The following ADGRE5 variants were observed in gnomAD, a reference collection of about 807,000 sequenced individuals.
The protein encoded by ADGRE5 is CD97 molecule.
A neutral mutation model predicts 100.3 loss-of-function variants in ADGRE5; 72 were observed. The ratio of observed to expected loss-of-function variants is 0.72; its 90% CI spans 0.59 to 0.87. The LOEUF (loss-of-function observed/expected upper bound fraction) is 0.87, where lower values mean the gene tolerates loss of function less well. Ranked by LOEUF, ADGRE5 falls within the 40% of genes least tolerant of loss-of-function variation. The probability of loss-of-function intolerance (pLI) is 0.00; values close to 1 mark genes in which losing one functional copy is unlikely to be tolerated. For synonymous variants in ADGRE5, 439 were observed against 447.8 expected, an observed-to-expected ratio of 0.98 and a Z score of 0.25; for missense variants, 959 against 1,094.7, an observed-to-expected ratio of 0.88 and a Z score of 1.75.
Position 14,397,174 on chromosome 19 carries a change from G to A in ADGRE5, c.576G>A (p.Trp192Ter). 1 of 1,614,104 alleles carries A rather than the reference G, an allele frequency of 6.2e-7. No individual in the cohort carries two copies. ...GSYQCRCRPGWQPIPGSPNGP... is the reference protein window; with the variant it reads ...GSYQCRCRPG ...ATCAGTGCCGCTGCCGCCCGGGCTG[G>A]CAACCGATTCCGGGGTCCCCCAATG... Residue 192 changes from tryptophan to a stop codon, truncating the protein, a stop_gained, in exon 6 of 20, where the codon TGG becomes TGA. Coordinates refer to ENST00000242786, the MANE Select transcript of ADGRE5 (RefSeq NM_078481.4). LOFTEE classifies it high-confidence loss of function.
rs183831599 is a variant in ADGRE5 at position 14,402,447 on chromosome 19, A to C, written c.1184-150A>C. The C allele has an allele frequency of 4.4e-3, 3,474 of 786,930 alleles. 74 individuals carry two copies. The African/African-American group carries it at 0.053, about 12-fold the overall frequency. The allele number at this position is 786,930 out of a possible 1,614,324, so 48.7% of individuals were successfully genotyped here. A position where few individuals can be genotyped will look rare whatever the true frequency, so the allele number is the denominator to read the frequency against. ...GAAACTCCGTCTCAAAAAAAAAAAAACAAGGAACAACTAGAAACTGACTCA... is the reference window on the plus strand; with the variant it reads ...GAAACTCCGTCTCAAAAAAAAAAAACCAAGGAACAACTAGAAACTGACTCA... On this transcript the variant is annotated intron_variant, in intron 11 of 19. Transcript: ENST00000242786.
rs1310860575 is a variant in ADGRE5, at chr19:14,388,750, C to A, written c.122C>A (p.Ala41Asp). Residue 41 changes from alanine to aspartate, a missense_variant, in exon 3 of 20, where the codon GCC becomes GAC. Physicochemically the swap from Ala to Asp is moderately radical, Grantham distance 126 (BLOSUM62 -2). Coordinates refer to ENST00000242786, the MANE Select transcript of ADGRE5 (RefSeq NM_078481.4). Reference sequence around the variant, plus strand: ...AACTCCTCGTGTGTCAATGCCACCGCCTGTCGCTGCAATCCAGGGTTCAGC... The same window carrying A: ...AACTCCTCGTGTGTCAATGCCACCGACTGTCGCTGCAATCCAGGGTTCAGC... ...PQNSSCVNAT[A>D]CRCNPGFSSF... is the part of the protein sequence containing the mutation. 2 of 1,613,840 alleles carry A rather than the reference C, an allele frequency of 1.2e-6. No individual in the cohort carries two copies. The highest frequency in any genetic ancestry group is 2.7e-5 in the African/African-American group (2 of 74,924).
intron 4 of ADGRE5, 95 bp from the exon 5 acceptor site, chr19:14,396,238 GTGGTGCCTT>G: frequency 1.2e-6 from 2 of 1,605,516 alleles, no homozygotes; most frequent in Non-Finnish European, 1.7e-6. Context: ...GGAGGAGACA[GTGGTGCCTT>G]CCAGATGCTT....
chr19:14,405,614 G>A, intron 13 of ADGRE5, 134 bp from the exon 14 acceptor site: 1 of 663,210 alleles, frequency 1.5e-6, no homozygotes, highest in Non-Finnish European at 2.6e-6. Context: ...GGTAAGTGTG[G>A]CCAGATCTAG....
Position 14,397,527 on chromosome 19 carries a change from G to A in ADGRE5, c.626-131G>A. On this transcript the variant is annotated intron_variant, in intron 6 of 19. Coordinates refer to ENST00000242786, the MANE Select transcript of ADGRE5 (RefSeq NM_078481.4). ...ACCTGCTGTGCCCAGGCCTCTCCAC[G>A]CTTCCATAACCCAGCGTCCACCACT... 10 of 1,375,308 alleles carry A rather than the reference G, an allele frequency of 7.3e-6. No individual in the cohort carries two copies. The Admixed American group carries it at 9.2e-5, about 13-fold the overall frequency. The allele number at this position is 1,375,308 out of a possible 1,614,324, so 85.2% of individuals were successfully genotyped here.
chr19:14,405,516 A>C lies in ADGRE5; in HGVS notation c.1630-232A>C, dbSNP rs374363832. ...CTGGGCCTTGTCGAAAACTGCAATTAACCAGGCAGAGAAGGGGGGCGCCTG... is the reference window on the plus strand; with the variant it reads ...CTGGGCCTTGTCGAAAACTGCAATTCACCAGGCAGAGAAGGGGGGCGCCTG... On this transcript the variant is annotated intron_variant, in intron 13 of 19. Coordinates refer to ENST00000242786, the MANE Select transcript of ADGRE5 (RefSeq NM_078481.4). 6 of 496,562 alleles carry C rather than the reference A, an allele frequency of 1.2e-5. No homozygotes were observed. In the South Asian group the frequency reaches 2.0e-4, roughly 16 times the overall value. 30.8% of individuals were successfully genotyped at this position (496,562 alleles called of 1,614,324 possible). A position where few individuals can be genotyped will look rare whatever the true frequency, so the allele number is the denominator to read the frequency against.
chr19:14,402,840 C>G lies in ADGRE5; in HGVS notation c.1427C>G (p.Ala476Gly). ...CACCTTGAGTCCTCCGATGGGGAGG[C>G]GGGAAGAGACCCTCCTGCCAAGGTC... Reference protein sequence around the residue: ...FSHLESSDGEAGRDPPAKDVM... With the variant: ...FSHLESSDGEGGRDPPAKDVM... Residue 476 changes from alanine (A) to glycine (G), a missense_variant, in exon 12 of 20, where the codon GCG (alanine) becomes GGG (glycine). Physicochemically the swap from Ala to Gly is moderately conservative, Grantham distance 60. Around this residue, in one of 6 missense-constraint regions of ADGRE5, gnomAD observed 246 missense variants for 242.2 expected, o/e 1.02. Transcript: ENST00000242786. 6 of 1,613,848 alleles carry G rather than the reference C, an allele frequency of 3.7e-6. No individual in the cohort carries two copies. The highest frequency in any genetic ancestry group is 5.1e-6 in the Non-Finnish European group (6 of 1,179,952).
intron 1 of ADGRE5, 43 bp downstream of exon 1, chr19:14,381,588 A>G: frequency 6.3e-7 from 1 of 1,585,620 alleles, no homozygotes; most frequent in African/African-American, 1.4e-5. Flanking sequence ...AGGAAGCTCC[A>G]GCGGGACCCC....
intron 13 of ADGRE5, chr19:14,404,799 G>T (rs1000943673): frequency 4.1e-6 from 2 of 493,064 alleles, no homozygotes; most frequent in Non-Finnish European, 7.1e-6. Context: ...TGTCCATCCC[G>T]TACCAGTTGT....
rs764981975 is a variant in ADGRE5 at position 14,402,829 on chromosome 19, C to T, written c.1416C>T (p.Ser472=). 1.5e-5 allele frequency: 24 copies of T among 1,613,888 alleles called. No homozygotes were observed. Among genetic ancestry groups the T allele is most frequent in the Admixed American group, 1.3e-4 (8 of 59,980 alleles). ...TCGCCTTCTCCCACCTTGAGTCCTC[C>T]GATGGGGAGGCGGGAAGAGACCCTC... ...ILFAFSHLES[S]DGEAGRDPPA... is the part of the protein sequence containing the mutation. The change falls in exon 12 of 20, where the codon TCC becomes TCT. Residue 472 remains serine, a synonymous_variant. Coordinates refer to ENST00000242786, the MANE Select transcript of ADGRE5 (RefSeq NM_078481.4).
chr19:14,406,879 T>A lies in ADGRE5; in HGVS notation c.2126T>A (p.Val709Asp). ...CTGCTCCCTGCCCAGTGCAATGCTGTCATTTTCGTGACTACCGTCTGGAAG... is the reference window on the plus strand; with the variant it reads ...CTGCTCCCTGCCCAGTGCAATGCTGACATTTTCGTGACTACCGTCTGGAAG... ...PVTFIILCNAVIFVTTVWKLT... is the reference protein window; with the variant it reads ...PVTFIILCNADIFVTTVWKLT... Residue 709 changes from valine to aspartate, a missense_variant, in exon 17 of 20, where the codon GTC (valine) becomes GAC (aspartate). Val to Asp is a radical substitution (Grantham distance 152). Coordinates refer to ENST00000242786, the MANE Select transcript of ADGRE5 (RefSeq NM_078481.4). The surrounding 1 kb of genome is among the most constrained non-coding windows in gnomAD (Gnocchi z 6.0). The A allele has an allele frequency of 6.2e-7, 1 of 1,614,092 alleles. No individual in the cohort carries two copies. The highest frequency in any genetic ancestry group is 1.1e-5 in the South Asian group (1 of 91,084).
rs768683250 is a variant in ADGRE5 at position 14,398,153 on chromosome 19, G to A, written c.897+14G>A. The stretch of plus-strand genomic sequence containing the variant: ...GTCACCATCCAGGTAAGGGCAGGAT[G>A]CTGGGGGACCCCAGGACAGTGTAGA... On this transcript the variant is annotated intron_variant, in intron 9 of 19. Coordinates refer to ENST00000242786, the MANE Select transcript of ADGRE5 (RefSeq NM_078481.4). 29 of 1,612,642 alleles carry A rather than the reference G, an allele frequency of 1.8e-5. 1 individual carries two copies. The highest frequency in any genetic ancestry group is 1.2e-4 in the African/African-American group (9 of 74,842).
chr19:14,383,060 G>A (rs769181851), intron 1 of ADGRE5, among the ~76,000 whole-genome samples: 1 of 151,998 alleles, frequency 6.6e-6, no homozygotes, highest in Non-Finnish European at 1.5e-5. Flanking sequence ...TTAATTAGTC[G>A]GGCTTGGTGG....
In ADGRE5 at chr19:14,406,853, TCTGCTC is replaced by T; in HGVS notation, c.2116-14_2116-9del. On this transcript the variant is annotated splice_polypyrimidine_tract_variant and intron_variant, in intron 16 of 19. Transcript: ENST00000242786. This position sits in a 1 kb window ranked among gnomAD's most constrained non-coding sequence, Gnocchi z 6.0. ...ATCGCTCTCGCCCTCTAACCCACAA[TCTGCTC>T]CCTGCCCAGTGCAATGCTGTCATTT... 6.2e-7 allele frequency: 1 copy of T among 1,613,694 alleles called. No homozygotes were observed. Among genetic ancestry groups the T allele is most frequent in the Non-Finnish European group, 8.5e-7 (1 of 1,179,588 alleles).
chr19:14,385,958 A>AG (rs1956938616), intron 1 of ADGRE5, among the ~76,000 whole-genome samples: 1 of 151,530 alleles, frequency 6.6e-6, no homozygotes, highest in South Asian at 2.1e-4. Flanking sequence ...TTCAGTAGAG[A>AG]GGGGGTTTCA....
rs745355738 is a variant in ADGRE5, at chr19:14,402,564, C to A, written c.1184-33C>A. The A allele has an allele frequency of 3.7e-6, 6 of 1,610,706 alleles. No homozygotes were observed. The Admixed American group carries it at 1.0e-4, about 27-fold the overall frequency. Reference sequence around the variant, plus strand: ...AGGATAGAGCATGGGAGGAGGACAACGGGAGTAGGCAGCGAGTGTGTCTGT... The same window carrying A: ...AGGATAGAGCATGGGAGGAGGACAAAGGGAGTAGGCAGCGAGTGTGTCTGT... On this transcript the variant is annotated intron_variant, in intron 11 of 19. Transcript: ENST00000242786.
At chr19:14,381,757 A>C (rs1975166658) in intron 1 of ADGRE5, among the ~76,000 whole-genome samples, 1 of 152,032 alleles carries the variant, frequency 6.6e-6, no homozygotes, top group African/African-American at 2.4e-5. Flanking sequence ...GTGCTCTTGG[A>C]GCCTGCTACC....
Position 14,406,063 on chromosome 19 carries a change from T to TCC in ADGRE5, c.1821+125_1821+126dup. Reference sequence around the variant, plus strand: ...CTGGAGGCATGAGGCCCCGCCCCTGTCCGGGATCTGGCCCCGCCCACCGGG... The same window carrying TCC: ...CTGGAGGCATGAGGCCCCGCCCCTGTCCCCGGGATCTGGCCCCGCCCACCGGG... On this transcript the variant is annotated intron_variant, in intron 14 of 19. Transcript: ENST00000242786. This position sits in a 1 kb window ranked among gnomAD's most constrained non-coding sequence, Gnocchi z 6.0. 1 of 865,702 alleles carries TCC rather than the reference T, an allele frequency of 1.2e-6. No homozygotes were observed. The highest frequency in any genetic ancestry group is 1.7e-6 in the Non-Finnish European group (1 of 578,882). The allele number at this position is 865,702 out of a possible 1,614,324, so 53.6% of individuals were successfully genotyped here.
At position 14,397,733 on chromosome 19, in the gene ADGRE5, G is replaced by T. The variant is rs1975835712; in HGVS notation, c.701G>T (p.Ser234Ile). 1.4e-6 allele frequency: 2 copies of T among 1,412,176 alleles called. No homozygotes were observed. Among genetic ancestry groups the T allele is most frequent in the Non-Finnish European group, 2.0e-6 (2 of 1,017,534 alleles). The allele number at this position is 1,412,176 out of a possible 1,614,324, so 87.5% of individuals were successfully genotyped here. A position where few individuals can be genotyped will look rare whatever the true frequency, so the allele number is the denominator to read the frequency against. ...TGCTTCAACACCGTGGGTTCATACA[G>T]CTGCCGCTGCCGCCCAGGCTGGAAG... ...TVCFNTVGSYSCRCRPGWKPR... is the reference protein window; with the variant it reads ...TVCFNTVGSYICRCRPGWKPR... The change falls in exon 7 of 20, where the codon AGC becomes ATC. Residue 234 changes from serine to isoleucine, a missense_variant. Transcript: ENST00000242786.
Sources: allele counts gnomAD v4.1 joint callset (sites outside exome capture counted in the v4.1 genomes callset), GRCh38; gene constraint gnomAD v4.1.1; regional missense constraint gnomAD v4.1.1; non-coding constraint Gnocchi (gnomAD v3.1); transcripts MANE v1.5; gene names NCBI Gene and HGNC (gene_info 2026-07-23, HGNC 2026-07-21).